C8orf34: variants seen among roughly 807,000 people sequenced by gnomAD.
C8orf34 encodes the protein chromosome 8 open reading frame 34, also known as uncharacterized protein C8orf34.
In C8orf34, 65 loss-of-function variants were observed where a neutral mutation model predicts 68.3. That is an observed-to-expected ratio of 0.95 (90% confidence interval 0.78 to 1.17). The LOEUF is 1.17. Among genes scored for constraint, C8orf34 ranks in the 50% most tolerant of loss-of-function variants. The pLI is 0.00. For missense variants in C8orf34, 664 were observed against 655.4 expected (o/e 1.01, Z -0.14); for synonymous variants, 244 against 241.2 (o/e 1.01, Z -0.11).
intron 12 of C8orf34, among the ~76,000 whole-genome samples, chr8:68,789,325 A>G (rs1463515159): frequency 1.3e-5 from 2 of 152,252 alleles, no homozygotes; most frequent in African/African-American, 4.8e-5. Flanking sequence ...AGAGCATGTT[A>G]ATTATATGAG....
chr8:68,608,489 G>A (rs1244820655), intron 7 of C8orf34, among the ~76,000 whole-genome samples: 2 of 151,644 alleles, frequency 1.3e-5, no homozygotes, highest in Admixed American at 1.3e-4. Context: ...TAAGTGGAGG[G>A]AACAGTGTGA....
intron 5 of C8orf34, among the ~76,000 whole-genome samples, chr8:68,508,804 C>T (rs1338152543): frequency 3.3e-5 from 5 of 152,004 alleles, no homozygotes; most frequent in African/African-American, 4.8e-5. Context: ...GAAGCCATGG[C>T]GACAAAAATT....
chr8:68,693,153 G>A (rs1489127549), intron 8 of C8orf34, among the ~76,000 whole-genome samples: 1 of 152,056 alleles, frequency 6.6e-6, no homozygotes, highest in African/African-American at 2.4e-5. Flanking sequence ...GAATCTTGCT[G>A]TCTATCTTAA....
At chr8:68,753,992 G>A (rs1041943673) in intron 10 of C8orf34, among the ~76,000 whole-genome samples, 3 of 152,088 alleles carry the variant, frequency 2.0e-5, no homozygotes, top group African/African-American at 7.2e-5. Flanking sequence ...AAGAAGCTCT[G>A]AGAATGAACC....
chr8:68,583,113 A>G (rs1817114255), intron 7 of C8orf34, among the ~76,000 whole-genome samples: 1 of 152,102 alleles, frequency 6.6e-6, no homozygotes. Flanking sequence ...CTGTTTCTCA[A>G]AATAATCAGC....
chr8:68,333,617 A>G (rs970116187), intron 1 of C8orf34, among the ~76,000 whole-genome samples: 5 of 152,168 alleles, frequency 3.3e-5, no homozygotes, highest in Non-Finnish European at 5.9e-5. Flanking sequence ...TGTGAAATGG[A>G]CATTGTTGAC....
chr8:68,663,719 C>A (rs1053262350), intron 8 of C8orf34, among the ~76,000 whole-genome samples: 2 of 152,076 alleles, frequency 1.3e-5, no homozygotes, highest in African/African-American at 4.8e-5. Context: ...TAACTAGGAC[C>A]ATAGGGTTTT....
intron 7 of C8orf34, among the ~76,000 whole-genome samples, chr8:68,574,382 C>A (rs1816843479): frequency 6.6e-6 from 1 of 151,962 alleles, no homozygotes; most frequent in African/African-American, 2.4e-5. Context: ...TATTCACCTA[C>A]CTGACATATT....
intron 8 of C8orf34, among the ~76,000 whole-genome samples, chr8:68,673,581 G>A (rs1006267161): frequency 1.3e-5 from 2 of 152,144 alleles, no homozygotes; most frequent in Non-Finnish European, 2.9e-5. Flanking sequence ...GATTGGGAAG[G>A]ACTTTGTCTT....
intron 1 of C8orf34, among the ~76,000 whole-genome samples, chr8:68,357,569 C>A (rs1806802087): frequency 6.6e-6 from 1 of 152,056 alleles, no homozygotes. Context: ...TTTACATCAA[C>A]TTCTAAGTTA....
chr8:68,342,305 A>T (rs1165172945), intron 1 of C8orf34, among the ~76,000 whole-genome samples: 2 of 152,204 alleles, frequency 1.3e-5, no homozygotes. Flanking sequence ...TGACACCATA[A>T]GCACAGTCTA....
intron 8 of C8orf34, among the ~76,000 whole-genome samples, chr8:68,662,448 C>A (rs1819708608): frequency 6.6e-6 from 1 of 152,110 alleles, no homozygotes; most frequent in African/African-American, 2.4e-5. Flanking sequence ...AAGGGCAGGG[C>A]CAGGTGGAGG....
At chr8:68,348,371 C>T (rs1265516058) in intron 1 of C8orf34, among the ~76,000 whole-genome samples, 4 of 151,888 alleles carry the variant, frequency 2.6e-5, no homozygotes, top group African/African-American at 9.7e-5. Flanking sequence ...TGTACCCTTG[C>T]AGTATAGTTT....
At position 68,624,345 on chromosome 8, in the gene C8orf34, G is replaced by A. The variant is rs541344878; in HGVS notation, c.1106-16031G>A. Among the ~76,000 whole-genome samples the A allele has an allele frequency of 4.3e-4, 66 of 151,842 alleles. No homozygotes were observed. In the Middle Eastern group the frequency reaches 0.01, roughly 24 times the overall value. Reference sequence around the variant, plus strand: ...GAGTTAAGTAGATATAACTTGGTATGAATTGAAACACAGAAGACAAATAAT... The same window carrying A: ...GAGTTAAGTAGATATAACTTGGTATAAATTGAAACACAGAAGACAAATAAT... On this transcript the variant is annotated intron_variant, in intron 7 of 13. Transcript: ENST00000518698.
chr8:68,719,596 TA>T (rs1193823541), intron 9 of C8orf34, among the ~76,000 whole-genome samples: 1 of 151,826 alleles, frequency 6.6e-6, no homozygotes, highest in Non-Finnish European at 1.5e-5. Context: ...AATACACAAA[TA>T]TACAATACAA....
At chr8:68,765,583 T>C (rs1293751227) in intron 10 of C8orf34, among the ~76,000 whole-genome samples, 1 of 152,212 alleles carries the variant, frequency 6.6e-6, no homozygotes, top group African/African-American at 2.4e-5. Context: ...AGTCACTCTC[T>C]TATATATTTG....
At chr8:68,392,355 C>T (rs950951070) in intron 1 of C8orf34, among the ~76,000 whole-genome samples, 8 of 151,722 alleles carry the variant, frequency 5.3e-5, no homozygotes, top group Admixed American at 6.6e-5. Context: ...ATATCAAGTT[C>T]CTGTATTTAC....
chr8:68,439,765 C>T, intron 2 of C8orf34, 119 bp downstream of exon 2: 1 of 904,864 alleles, frequency 1.1e-6, no homozygotes, highest in African/African-American at 1.7e-5. Context: ...TTCATGTGTT[C>T]ATCTCTGACC....
intron 12 of C8orf34, among the ~76,000 whole-genome samples, chr8:68,794,470 T>TATATAA (rs1482366730): frequency 2.6e-5 from 3 of 115,622 alleles, no homozygotes. Flanking sequence ...TTGTGCCCAG[T>TATATAA]ATATAAATAT....
Sources: allele counts gnomAD v4.1 joint callset (sites outside exome capture counted in the v4.1 genomes callset), GRCh38; gene constraint gnomAD v4.1.1; transcripts MANE v1.5; gene names NCBI Gene and HGNC (gene_info 2026-07-23, HGNC 2026-07-21).